TJP1: variants seen among roughly 807,000 people sequenced by gnomAD.
The protein encoded by TJP1 is tight junction protein ZO-1.
A neutral mutation model predicts 194.2 loss-of-function variants in TJP1; 43 were observed. That is an observed-to-expected ratio of 0.22 (90% CI 0.17 to 0.29). The LOEUF (loss-of-function observed/expected upper bound fraction) is 0.29, where lower values mean the gene tolerates loss of function less well. TJP1 is among the 10% of genes least tolerant of loss of function. The pLI is 1.00. For synonymous variants in TJP1, 801 were observed against 779.0 expected (o/e 1.03, Z -0.47); for missense variants, 1,971 against 2,185.7 (o/e 0.90, Z 1.96).
At chr15:29,891,429 T>C (rs2053305033) in intron 2 of TJP1, among the ~76,000 whole-genome samples, 1 of 152,248 alleles carries the variant, frequency 6.6e-6, no homozygotes, top group Non-Finnish European at 1.5e-5. Flanking sequence ...TGGTAGTTTG[T>C]CTTTCTATTC....
chr15:29,936,972 G>A (rs1391083496), intron 2 of TJP1, among the ~76,000 whole-genome samples: 2 of 151,954 alleles, frequency 1.3e-5, no homozygotes, highest in African/African-American at 2.4e-5. Context: ...TCATACCTAT[G>A]GGCAAACACC....
At chr15:29,879,205 G>A (rs2052832195) in intron 2 of TJP1, among the ~76,000 whole-genome samples, 1 of 152,288 alleles carries the variant, frequency 6.6e-6, no homozygotes, top group African/African-American at 2.4e-5. Flanking sequence ...TGACATTCAT[G>A]TGCAAGTGGC....
intron 2 of TJP1, among the ~76,000 whole-genome samples, chr15:29,883,858 G>A (rs967654685): frequency 1.3e-5 from 2 of 152,092 alleles, no homozygotes; most frequent in African/African-American, 4.8e-5. Flanking sequence ...AGTTTATAAA[G>A]GAATAGACAA....
chr15:29,816,381 G>A (rs11631079), intron 1 of TJP1, among the ~76,000 whole-genome samples: 150,607 of 152,230 alleles, frequency 0.99, 74,524 homozygotes, highest in Middle Eastern at 1. Flanking sequence ...TGGGGGGGAA[G>A]AACACCACAA....
intron 2 of TJP1, among the ~76,000 whole-genome samples, chr15:29,848,985 A>G (rs1356880270): frequency 1.3e-5 from 2 of 152,200 alleles, no homozygotes; most frequent in Non-Finnish European, 2.9e-5. Context: ...AATAGAATAT[A>G]TAATAACTTG....
chr15:29,878,691 T>C (rs1008603116), intron 2 of TJP1, among the ~76,000 whole-genome samples: 11 of 152,160 alleles, frequency 7.2e-5, no homozygotes, highest in Non-Finnish European at 1.6e-4. Context: ...CAACCATGCA[T>C]GTAAACAGCT....
At chr15:29,826,499 A>G (rs1167219068), upstream of TJP1, among the ~76,000 whole-genome samples, 4 of 152,192 alleles carry the variant, frequency 2.6e-5, no homozygotes, top group African/African-American at 4.8e-5. Flanking sequence ...CATAATCCAT[A>G]GAGAAAACAG....
chr15:29,702,784 CCT>C (rs1367646387), intron 27 of TJP1, among the ~76,000 whole-genome samples: 8 of 152,212 alleles, frequency 5.3e-5, no homozygotes, highest in Non-Finnish European at 1.5e-5. Flanking sequence ...GTAATTTTTT[CCT>C]CTGATAACAT....
At chr15:29,899,573 G>A (rs1449602700) in intron 2 of TJP1, among the ~76,000 whole-genome samples, 2 of 152,184 alleles carry the variant, frequency 1.3e-5, no homozygotes, top group Admixed American at 6.5e-5. Context: ...CCAGGTGTGT[G>A]AGCACAGGCA....
intron 8 of TJP1, among the ~76,000 whole-genome samples, chr15:29,744,040 G>A (rs1443275057): frequency 1.3e-5 from 2 of 152,062 alleles, no homozygotes; most frequent in Non-Finnish European, 2.9e-5. Flanking sequence ...TTAGCCCGGC[G>A]TGGTGGCATG....
chr15:29,842,434 G>C (rs1014605457), intron 2 of TJP1, among the ~76,000 whole-genome samples: 2 of 44,498 alleles, frequency 4.5e-5, no homozygotes, highest in African/African-American at 2.0e-4. Flanking sequence ...ACCAACCCTG[G>C]ACAGTATGCC....
intron 2 of TJP1, among the ~76,000 whole-genome samples, chr15:29,887,284 A>G (rs1018307619): frequency 1.4e-5 from 2 of 147,688 alleles, no homozygotes; most frequent in African/African-American, 4.9e-5. Flanking sequence ...CATATATAAT[A>G]TAAATATATA....
intron 8 of TJP1, among the ~76,000 whole-genome samples, chr15:29,751,722 CA>C (rs888484112): frequency 2.0e-5 from 3 of 152,066 alleles, no homozygotes; most frequent in African/African-American, 4.8e-5. Context: ...ACCAATGTCA[CA>C]AATCTTATTA....
intron 1 of TJP1, among the ~76,000 whole-genome samples, chr15:29,819,552 G>A (rs1441426280): frequency 6.6e-6 from 1 of 152,148 alleles, no homozygotes; most frequent in East Asian, 1.9e-4. Context: ...GAACTGACGG[G>A]CTGCTTTAAA....
At chr15:29,713,000 G>C (rs2878893) in intron 23 of TJP1, among the ~76,000 whole-genome samples, 1 of 152,032 alleles carries the variant, frequency 6.6e-6, no homozygotes, top group African/African-American at 2.4e-5. Flanking sequence ...ATCTCCAATC[G>C]TAAGCTGGGC....
chr15:29,826,959 G>T (rs910330891), upstream of TJP1, among the ~76,000 whole-genome samples: 5 of 152,130 alleles, frequency 3.3e-5, no homozygotes, highest in African/African-American at 1.2e-4. Context: ...TCCTAGGAGG[G>T]TATCTGGGCT....
At chr15:29,879,587 C>T (rs776929948) in intron 2 of TJP1, among the ~76,000 whole-genome samples, 21 of 152,256 alleles carry the variant, frequency 1.4e-4, no homozygotes, top group Admixed American at 7.2e-4. Flanking sequence ...TAGGAACCAT[C>T]TACCCTAGCG....
Position 29,968,347 on chromosome 15 carries a change from GGACA to G in TJP1, c.173+316_173+319del, listed in dbSNP as rs2056401695. 8.1e-6 allele frequency: 8 copies of G among 985,420 alleles called. No homozygotes were observed. The South Asian group carries it at 3.3e-4, about 40-fold the overall frequency. 61.0% of individuals were successfully genotyped at this position (985,420 alleles called of 1,614,324 possible). ...AGAACCCGCCGTAATGGAGCAGAAA[GGACA>G]GACAGAGGCGGGAGGCCGACGCCCG... On this transcript the variant is annotated intron_variant, in intron 1 of 28. Transcript: ENST00000356107.
intron 2 of TJP1, among the ~76,000 whole-genome samples, chr15:29,787,355 C>T (rs2151781408): frequency 6.6e-6 from 1 of 152,230 alleles, no homozygotes; most frequent in South Asian, 2.1e-4. Flanking sequence ...TTGAAGAAAA[C>T]ACAGGAATAA....
Sources: allele counts gnomAD v4.1 joint callset (sites outside exome capture counted in the v4.1 genomes callset), GRCh38; gene constraint gnomAD v4.1.1; transcripts MANE v1.5; gene names NCBI Gene and HGNC (gene_info 2026-07-23, HGNC 2026-07-21).